The following RPS6KC1 variants were observed in gnomAD, a reference collection of about 807,000 sequenced individuals.
RPS6KC1 encodes inactive ribosomal protein S6 kinase delta-1.
Under a neutral mutation model 103.8 loss-of-function variants are expected in RPS6KC1, and 54 were observed. The ratio of observed to expected loss-of-function variants is 0.52; its 90% CI spans 0.42 to 0.65. The LOEUF is 0.65. Among genes scored for constraint, RPS6KC1 ranks in the 30% least tolerant of loss-of-function variants. The pLI is 0.00. For missense variants in RPS6KC1, 1,151 were observed against 1,253.8 expected (o/e 0.92, Z 1.24); for synonymous variants, 439 against 438.7 (o/e 1.00, Z -0.01).
the RPS6KC1 span, among the ~76,000 whole-genome samples, chr1:213,321,734 C>T: frequency 1.3e-5 from 2 of 152,000 alleles, no homozygotes; most frequent in Non-Finnish European, 2.9e-5. Flanking sequence ...AGTTTGAGTG[C>T]CATAGAGACA....
chr1:213,163,405 A>C (rs1441641510), intron 6 of RPS6KC1, among the ~76,000 whole-genome samples: 1 of 152,226 alleles, frequency 6.6e-6, no homozygotes, highest in Non-Finnish European at 1.5e-5. Flanking sequence ...GTGGGGATTA[A>C]CTTCTGTGCA....
chr1:213,077,868 T>C lies in RPS6KC1; in HGVS notation c.262+52T>C, dbSNP rs773398905. ...TTAAAAAAATAATTAATTTTGTATATATACTGAACTCTAACATAACTACAC... is the reference window on the plus strand; with the variant it reads ...TTAAAAAAATAATTAATTTTGTATACATACTGAACTCTAACATAACTACAC... On this transcript the variant is annotated intron_variant, in intron 3 of 14. Coordinates refer to ENST00000366960, the MANE Select transcript of RPS6KC1 (RefSeq NM_012424.6). 3.2e-5 allele frequency: 34 copies of C among 1,056,218 alleles called. No individual in the cohort carries two copies. The East Asian group carries it at 5.4e-4, about 17-fold the overall frequency. 65.4% of individuals were successfully genotyped at this position (1,056,218 alleles called of 1,614,324 possible). A position where few individuals can be genotyped will look rare whatever the true frequency, so the allele number is the denominator to read the frequency against.
At chr1:213,432,326 G>C in the RPS6KC1 span, among the ~76,000 whole-genome samples, 2 of 151,954 alleles carry the variant, frequency 1.3e-5, no homozygotes, top group African/African-American at 2.4e-5. Flanking sequence ...TTCCTTTATG[G>C]TTATTACTTT....
intron 6 of RPS6KC1, among the ~76,000 whole-genome samples, chr1:213,155,371 T>G (rs1345010830): frequency 6.6e-6 from 1 of 152,184 alleles, no homozygotes; most frequent in East Asian, 1.9e-4. Context: ...TCAAATTTAC[T>G]TGGAGACACA....
the RPS6KC1 span, chr1:213,841,145 T>A: frequency 6.6e-6 from 1 of 152,196 alleles, no homozygotes; most frequent in African/African-American, 2.4e-5. Context: ...TCTTTCTTTT[T>A]TTGACTCCCC....
At chr1:213,079,298 C>G (rs1031408530) in intron 3 of RPS6KC1, among the ~76,000 whole-genome samples, 6 of 152,046 alleles carry the variant, frequency 3.9e-5, no homozygotes, top group African/African-American at 1.4e-4. Flanking sequence ...GGGTGAATTC[C>G]TGGGAGAAGA....
chr1:213,464,879 T>C, the RPS6KC1 span, among the ~76,000 whole-genome samples: 1 of 152,246 alleles, frequency 6.6e-6, no homozygotes, highest in East Asian at 1.9e-4. Context: ...CATAGTTCTC[T>C]CTTTAGGACC....
chr1:213,064,404 G>C (rs984123229), intron 1 of RPS6KC1, among the ~76,000 whole-genome samples: 1 of 139,288 alleles, frequency 7.2e-6, no homozygotes, highest in African/African-American at 2.7e-5. Flanking sequence ...TTTCACTCTT[G>C]TTGCCCAGGC....
the RPS6KC1 span, among the ~76,000 whole-genome samples, chr1:213,425,899 G>A: frequency 6.6e-6 from 1 of 152,200 alleles, no homozygotes; most frequent in South Asian, 2.1e-4. Context: ...GGAAGGTGGG[G>A]AGGCTTCCCG....
chr1:213,744,817 G>A, the RPS6KC1 span, among the ~76,000 whole-genome samples: 1 of 152,344 alleles, frequency 6.6e-6, no homozygotes, highest in African/African-American at 2.4e-5. Flanking sequence ...CAGCGTGGAG[G>A]CTTTACAAAA....
chr1:213,638,444 G>A, the RPS6KC1 span, among the ~76,000 whole-genome samples: 15 of 151,958 alleles, frequency 9.9e-5, no homozygotes, highest in African/African-American at 2.4e-4. Flanking sequence ...AATTCAGGTC[G>A]TGAAGATTTT....
the RPS6KC1 span, among the ~76,000 whole-genome samples, chr1:213,317,531 C>T: frequency 6.6e-6 from 1 of 152,194 alleles, no homozygotes; most frequent in African/African-American, 2.4e-5. Flanking sequence ...ATGACCTTAA[C>T]CTTCATCACT....
the RPS6KC1 span, among the ~76,000 whole-genome samples, chr1:213,359,427 CT>C: frequency 6.6e-6 from 1 of 152,144 alleles, no homozygotes; most frequent in African/African-American, 2.4e-5. Context: ...TCCTCCATCC[CT>C]TTATTTTGAG....
the RPS6KC1 span, among the ~76,000 whole-genome samples, chr1:213,834,061 G>C: frequency 6.6e-6 from 1 of 152,138 alleles, no homozygotes; most frequent in Non-Finnish European, 1.5e-5. Flanking sequence ...GGAGGAATGA[G>C]GTCTCATTCT....
At chr1:213,686,296 C>G in the RPS6KC1 span, among the ~76,000 whole-genome samples, 14 of 152,254 alleles carry the variant, frequency 9.2e-5, no homozygotes, top group African/African-American at 3.1e-4. Flanking sequence ...GGCCTTAGCT[C>G]CTTGTTGGTT....
At chr1:213,627,353 T>G in the RPS6KC1 span, among the ~76,000 whole-genome samples, 1,734 of 152,310 alleles carry the variant, frequency 0.011, 26 homozygotes, top group African/African-American at 0.037. Flanking sequence ...AGATATACAA[T>G]CATGTCATCT....
chr1:213,684,577 C>G, the RPS6KC1 span, among the ~76,000 whole-genome samples: 2 of 152,188 alleles, frequency 1.3e-5, no homozygotes, highest in African/African-American at 4.8e-5. Flanking sequence ...GGAACTGTCC[C>G]CATGCCCTCA....
At chr1:213,389,447 G>A in the RPS6KC1 span, among the ~76,000 whole-genome samples, 2 of 152,220 alleles carry the variant, frequency 1.3e-5, no homozygotes, top group African/African-American at 4.8e-5. Flanking sequence ...TGGAGTCTGC[G>A]GGCTTGCGGC....
chr1:213,487,664 C>A, the RPS6KC1 span, among the ~76,000 whole-genome samples: 1 of 152,050 alleles, frequency 6.6e-6, no homozygotes, highest in African/African-American at 2.4e-5. Context: ...GGGTTTAAAT[C>A]CTGGTTCTGC....
Sources: gnomAD v4.1 joint callset for allele counts (sites outside exome capture counted in the v4.1 genomes callset) on GRCh38, gnomAD v4.1.1 for gene constraint, MANE v1.5 for transcripts, NCBI Gene and HGNC (gene_info 2026-07-23, HGNC 2026-07-21) for gene names.